The following ACAP2 variants were observed in gnomAD, a reference collection of about 807,000 sequenced individuals.
ACAP2 encodes arf-GAP with coiled-coil, ANK repeat and PH domain-containing protein 2.
A neutral mutation model predicts 115.8 loss-of-function variants in ACAP2; 39 were observed. The observed-to-expected ratio is 0.34, with a 90% CI of 0.26 to 0.44. ACAP2 has a LOEUF of 0.44. Among genes scored for constraint, ACAP2 ranks in the 20% least tolerant of loss-of-function variants. The probability of loss-of-function intolerance (pLI) is 1.00; values close to 1 mark genes in which losing one functional copy is unlikely to be tolerated. For missense variants in ACAP2, 662 were observed against 927.6 expected (o/e 0.71, Z 3.72); for synonymous variants, 289 against 315.8 (o/e 0.92, Z 0.90).
At chr3:195,436,898 T>C (rs780544633) in intron 1 of ACAP2, among the ~76,000 whole-genome samples, 5 of 152,190 alleles carry the variant, frequency 3.3e-5, no homozygotes, top group East Asian at 3.8e-4. Flanking sequence ...TAAGACCCAG[T>C]TGCATTACAT....
At chr3:195,313,896 G>GAA (rs1285902468) in intron 10 of ACAP2, among the ~76,000 whole-genome samples, 2 of 152,082 alleles carry the variant, frequency 1.3e-5, no homozygotes, top group Non-Finnish European at 2.9e-5. Flanking sequence ...GCCACACTGA[G>GAA]AAAATGACCC....
intron 10 of ACAP2, among the ~76,000 whole-genome samples, chr3:195,314,721 A>G (rs1469591970): frequency 2.0e-5 from 3 of 152,242 alleles, no homozygotes; most frequent in Non-Finnish European, 2.9e-5. Context: ...AAATATTTAA[A>G]TAGCAGGCAG....
At chr3:195,281,059 A>C (rs1726468608) in intron 22 of ACAP2, among the ~76,000 whole-genome samples, 1 of 152,218 alleles carries the variant, frequency 6.6e-6, no homozygotes, top group African/African-American at 2.4e-5. Flanking sequence ...ATAGGAGTAA[A>C]GATCTAGTAA....
At chr3:195,432,758 T>C (rs1158033032) in intron 1 of ACAP2, among the ~76,000 whole-genome samples, 1 of 152,226 alleles carries the variant, frequency 6.6e-6, no homozygotes, top group Non-Finnish European at 1.5e-5. Context: ...GCGTTTAGTT[T>C]GTAGATCAAT....
chr3:195,375,475 G>C (rs1294360140), intron 4 of ACAP2, among the ~76,000 whole-genome samples: 2 of 139,676 alleles, frequency 1.4e-5, no homozygotes, highest in African/African-American at 2.7e-5. Flanking sequence ...GAGTGACTAA[G>C]TGTACAGCTC....
intron 1 of ACAP2, among the ~76,000 whole-genome samples, chr3:195,434,960 T>A (rs1440717864): frequency 6.6e-6 from 1 of 152,110 alleles, no homozygotes; most frequent in Non-Finnish European, 1.5e-5. Context: ...TCTGAGTCAC[T>A]GCCCTTTTTT....
intron 1 of ACAP2, among the ~76,000 whole-genome samples, chr3:195,431,310 T>C (rs536919904): frequency 1.5e-4 from 23 of 152,364 alleles, no homozygotes; most frequent in African/African-American, 5.3e-4. Flanking sequence ...TTTCACTTTT[T>C]GGCAGTGAAT....
intron 1 of ACAP2, among the ~76,000 whole-genome samples, chr3:195,396,344 T>C (rs754737350): frequency 2.0e-5 from 3 of 151,534 alleles, no homozygotes; most frequent in Non-Finnish European, 2.9e-5. Context: ...GGCTCAAAAA[T>C]AGAACTCTCT....
At chr3:195,384,310 C>T (rs1734143371) in intron 2 of ACAP2, among the ~76,000 whole-genome samples, 1 of 152,058 alleles carries the variant, frequency 6.6e-6, no homozygotes, top group Non-Finnish European at 1.5e-5. Context: ...AGCTCTATAA[C>T]AACAAATAAC....
intron 1 of ACAP2, 124 bp downstream of exon 1, chr3:195,442,671 C>T (rs1198203207): frequency 2.8e-6 from 3 of 1,077,844 alleles, no homozygotes; most frequent in Non-Finnish European, 3.9e-6. Context: ...ACGGCGGCAA[C>T]AGCCGCTCGC....
chr3:195,284,036 C>A (rs979381535), intron 22 of ACAP2, among the ~76,000 whole-genome samples: 6 of 152,146 alleles, frequency 3.9e-5, no homozygotes, highest in African/African-American at 1.4e-4. Context: ...TTGGGTGGAA[C>A]TAGAAGTGGC....
At chr3:195,382,825 A>C (rs1353893233) in intron 2 of ACAP2, among the ~76,000 whole-genome samples, 1 of 152,010 alleles carries the variant, frequency 6.6e-6, no homozygotes, top group Non-Finnish European at 1.5e-5. Context: ...AATTCTAACA[A>C]GTAGATAAAT....
At chr3:195,325,413 G>GC in intron 9 of ACAP2, 1 of 353,884 alleles carries the variant, frequency 2.8e-6, no homozygotes, top group Non-Finnish European at 5.2e-6. Flanking sequence ...TTAGTGGACT[G>GC]ATTTTTTTTT....
intron 3 of ACAP2, among the ~76,000 whole-genome samples, 161 bp from the exon 4 acceptor site, chr3:195,381,223 CAG>C (rs931126540): frequency 6.6e-6 from 1 of 152,166 alleles, no homozygotes; most frequent in Admixed American, 6.5e-5. Flanking sequence ...GTACACTCTG[CAG>C]AGGTCACCTC....
intron 4 of ACAP2, among the ~76,000 whole-genome samples, chr3:195,369,588 G>C (rs1376481747): frequency 6.6e-6 from 1 of 152,158 alleles, no homozygotes; most frequent in Non-Finnish European, 1.5e-5. Context: ...TACAGGACAT[G>C]ATCTCATTTT....
chr3:195,414,426 C>T (rs1713550906), intron 1 of ACAP2, among the ~76,000 whole-genome samples: 1 of 152,086 alleles, frequency 6.6e-6, no homozygotes, highest in Non-Finnish European at 1.5e-5. Context: ...TACATTCTTG[C>T]CACACTATCC....
At chr3:195,309,162 G>C (rs1464868932) in intron 10 of ACAP2, among the ~76,000 whole-genome samples, 2 of 152,122 alleles carry the variant, frequency 1.3e-5, no homozygotes, top group African/African-American at 4.8e-5. Flanking sequence ...TACAGCTTTT[G>C]AGGTTCCTCA....
chr3:195,286,987 A>G (rs1469164937), intron 21 of ACAP2, among the ~76,000 whole-genome samples: 2 of 152,222 alleles, frequency 1.3e-5, no homozygotes, highest in Non-Finnish European at 2.9e-5. Flanking sequence ...CCATAATAAC[A>G]GTAACCCCTC....
chr3:195,320,638 C>A, intron 10 of ACAP2, 63 bp downstream of exon 10: 1 of 1,211,448 alleles, frequency 8.3e-7, no homozygotes. Context: ...GTTGTCAAAT[C>A]ACAGGGAAAG....
Sources: gnomAD v4.1 joint callset for allele counts (sites outside exome capture counted in the v4.1 genomes callset) on GRCh38, gnomAD v4.1.1 for gene constraint, MANE v1.5 for transcripts, NCBI Gene and HGNC (gene_info 2026-07-23, HGNC 2026-07-21) for gene names.